GPHN: variants seen among roughly 807,000 people sequenced by gnomAD.
The protein encoded by GPHN is gephyrin.
GPHN carries 17 observed loss-of-function variants against 95.5 expected under a neutral mutation model. The ratio of observed to expected loss-of-function variants is 0.18; its 90% confidence interval spans 0.12 to 0.27. The LOEUF is 0.27. Among genes scored for constraint, GPHN ranks in the 10% least tolerant of loss-of-function variants. GPHN has a pLI of 1.00. For missense variants in GPHN, 660 were observed against 978.1 expected (o/e 0.67, Z 4.34); for synonymous variants, 320 against 322.5 (o/e 0.99, Z 0.08).
chr14:66,744,408 G>A (rs2058060297), intron 2 of GPHN, among the ~76,000 whole-genome samples: 1 of 152,242 alleles, frequency 6.6e-6, no homozygotes, highest in African/African-American at 2.4e-5. Context: ...TTTAAACAAG[G>A]AATTAAGTTG....
intron 1 of GPHN, among the ~76,000 whole-genome samples, chr14:66,632,865 C>T (rs1443832139): frequency 2.6e-5 from 4 of 152,126 alleles, no homozygotes; most frequent in Non-Finnish European, 5.9e-5. Flanking sequence ...CATGTATCTG[C>T]TAAGAAAGAA....
the GPHN span, chr14:67,616,080 G>A: frequency 3.4e-6 from 1 of 294,482 alleles, no homozygotes. Flanking sequence ...AAATGAAGAA[G>A]ATGGTGATGA....
chr14:66,872,979 C>T (rs971549646), intron 4 of GPHN, among the ~76,000 whole-genome samples: 24 of 151,548 alleles, frequency 1.6e-4, no homozygotes, highest in Admixed American at 1.1e-3. Flanking sequence ...TTAAAAAAGA[C>T]GGTTGGGCAA....
At chr14:67,324,425 GT>G in the GPHN span, among the ~76,000 whole-genome samples, 4 of 151,622 alleles carry the variant, frequency 2.6e-5, no homozygotes, top group East Asian at 3.9e-4. Context: ...GTTCTTCCTT[GT>G]TTTTTTTGCT....
intron 10 of GPHN, among the ~76,000 whole-genome samples, chr14:67,057,407 T>G (rs1332797876): frequency 7.6e-4 from 95 of 124,416 alleles, no homozygotes; most frequent in African/African-American, 2.2e-3. Context: ...CATGGGCACA[T>G]GGGTGGGGGG....
At chr14:66,581,679 T>C (rs1473406938) in intron 1 of GPHN, among the ~76,000 whole-genome samples, 2 of 151,850 alleles carry the variant, frequency 1.3e-5, no homozygotes, top group African/African-American at 2.4e-5. Context: ...CACATACAGA[T>C]TGAATGTGAC....
the GPHN span, among the ~76,000 whole-genome samples, chr14:67,496,125 G>C: frequency 6.6e-6 from 1 of 152,218 alleles, no homozygotes; most frequent in Non-Finnish European, 1.5e-5. Context: ...GGAGGGCAAA[G>C]CTGCAGTGAG....
At chr14:67,405,948 T>C in the GPHN span, among the ~76,000 whole-genome samples, 1 of 152,138 alleles carries the variant, frequency 6.6e-6, no homozygotes, top group East Asian at 1.9e-4. Flanking sequence ...AACAGTGAGA[T>C]GACAAATCTT....
chr14:67,014,138 A>T (rs928105249), intron 9 of GPHN, among the ~76,000 whole-genome samples: 31 of 152,240 alleles, frequency 2.0e-4, no homozygotes, highest in African/African-American at 7.0e-4. Flanking sequence ...CAGGCCTAGA[A>T]TATCATCCAA....
intron 1 of GPHN, among the ~76,000 whole-genome samples, chr14:66,586,166 T>A (rs1375895700): frequency 6.6e-6 from 1 of 151,596 alleles, no homozygotes; most frequent in Non-Finnish European, 1.5e-5. Flanking sequence ...TCTCTTTTGC[T>A]CTTTGTTGGT....
chr14:66,668,848 T>G (rs1424428598), intron 1 of GPHN, among the ~76,000 whole-genome samples: 1 of 152,016 alleles, frequency 6.6e-6, no homozygotes, highest in African/African-American at 2.4e-5. Flanking sequence ...TTGATTGTCA[T>G]TTGTATTACC....
chr14:67,284,969 T>C, the GPHN span, among the ~76,000 whole-genome samples: 1 of 152,174 alleles, frequency 6.6e-6, no homozygotes, highest in East Asian at 1.9e-4. Context: ...CAGGCTGGTC[T>C]TGACCTCCTG....
chr14:67,210,125 G>T, the GPHN span, among the ~76,000 whole-genome samples: 1 of 152,174 alleles, frequency 6.6e-6, no homozygotes, highest in Non-Finnish European at 1.5e-5. Flanking sequence ...ACATGTCAAA[G>T]AAATCATTCA....
chr14:67,412,284 G>T, the GPHN span: 1 of 446,054 alleles, frequency 2.2e-6, no homozygotes, highest in Non-Finnish European at 3.9e-6. Context: ...AGGTGCTCCA[G>T]GGTCGGTGGT....
At chr14:67,656,688 G>A in the GPHN span, 6 of 1,298,632 alleles carry the variant, frequency 4.6e-6, no homozygotes, top group Admixed American at 4.8e-5. Flanking sequence ...GGGATATAGT[G>A]AGCAATAATT....
chr14:67,701,024 CAAAAAA>C, the GPHN span, among the ~76,000 whole-genome samples: 345 of 67,456 alleles, frequency 5.1e-3, 2 homozygotes, highest in African/African-American at 0.018. Context: ...AATTTCATCT[CAAAAAA>C]AAAAAAAAAA....
the GPHN span, chr14:67,321,241 T>C: frequency 6.2e-7 from 1 of 1,614,176 alleles, no homozygotes; most frequent in Non-Finnish European, 8.5e-7. Context: ...AAATATGTCT[T>C]TTAAGTCTTC....
At chr14:67,433,935 A>G in the GPHN span, among the ~76,000 whole-genome samples, 1 of 152,244 alleles carries the variant, frequency 6.6e-6, no homozygotes, top group Admixed American at 6.5e-5. Context: ...TGATGAAATT[A>G]GATATCAGAG....
At chr14:67,239,150 T>A in the GPHN span, among the ~76,000 whole-genome samples, 11 of 152,240 alleles carry the variant, frequency 7.2e-5, no homozygotes, top group South Asian at 1.2e-3. Context: ...GCGGGTTCAT[T>A]TGGGTGGAGG....
Sources: gnomAD v4.1 joint callset for allele counts (sites outside exome capture counted in the v4.1 genomes callset) on GRCh38, gnomAD v4.1.1 for gene constraint, MANE v1.5 for transcripts, NCBI Gene and HGNC (gene_info 2026-07-23, HGNC 2026-07-21) for gene names.